The following KPNA5 variants were observed in gnomAD, a reference collection of about 807,000 sequenced individuals.
The protein encoded by KPNA5 is importin subunit alpha-6.
KPNA5 carries 46 observed loss-of-function variants against 71.3 expected under a neutral mutation model. That is an observed-to-expected ratio of 0.65 (90% CI 0.51 to 0.83). KPNA5 has a LOEUF of 0.83. KPNA5 is among the 40% of genes least tolerant of loss of function. The pLI is 0.00. For missense variants in KPNA5, 547 were observed against 628.3 expected (o/e 0.87, Z 1.38); for synonymous variants, 207 against 201.4 (o/e 1.03, Z -0.24).
chr6:116,732,064 AAC>A (rs1462668810), intron 13 of KPNA5, 70 bp from the exon 14 acceptor site: 1 of 225,156 alleles, frequency 4.4e-6, no homozygotes, highest in African/African-American at 2.8e-5. Context: ...AAATTGTAGT[AAC>A]AGTTTGTTTA....
chr6:116,725,218 T>C (rs915182342), intron 10 of KPNA5, among the ~76,000 whole-genome samples: 4 of 152,148 alleles, frequency 2.6e-5, no homozygotes, highest in Non-Finnish European at 4.4e-5. Context: ...ATCATTGGAG[T>C]ATTTTGAATA....
At chr6:116,694,411 A>C (rs923186228) in intron 4 of KPNA5, among the ~76,000 whole-genome samples, 1 of 151,914 alleles carries the variant, frequency 6.6e-6, no homozygotes, top group East Asian at 1.9e-4. Flanking sequence ...CTTTTATTTC[A>C]TTGAGCAGTG....
intron 7 of KPNA5, among the ~76,000 whole-genome samples, chr6:116,710,371 T>A (rs1185586721): frequency 1.3e-5 from 2 of 152,178 alleles, no homozygotes; most frequent in Non-Finnish European, 1.5e-5. Context: ...ATAGAATTGA[T>A]GAGGAAGTGT....
intron 13 of KPNA5, 150 bp from the exon 14 acceptor site, chr6:116,731,986 A>G (rs987225995): frequency 1.6e-5 from 3 of 184,274 alleles, no homozygotes; most frequent in African/African-American, 7.1e-5. Flanking sequence ...CAGTTAGATT[A>G]AAATAGTCCC....
chr6:116,707,438 A>G (rs1661367320), intron 7 of KPNA5, among the ~76,000 whole-genome samples: 1 of 152,224 alleles, frequency 6.6e-6, no homozygotes, highest in African/African-American at 2.4e-5. Flanking sequence ...CAAAAAAAGA[A>G]CAATAGTATA....
Position 116,732,120 on chromosome 6 carries a change from A to T in KPNA5, c.1433-16A>T, listed in dbSNP as rs1182256186. 2 of 512,470 alleles carry T rather than the reference A, an allele frequency of 3.9e-6. No homozygotes were observed. Among genetic ancestry groups the T allele is most frequent in the East Asian group, 5.5e-5 (1 of 18,160 alleles). 31.7% of individuals were successfully genotyped at this position (512,470 alleles called of 1,614,324 possible). On this transcript the variant is annotated splice_polypyrimidine_tract_variant and intron_variant, in intron 13 of 13. Coordinates refer to ENST00000368564, the MANE Select transcript of KPNA5 (RefSeq NM_001366306.2). ...TATATATATATATATATATATATAT[A>T]TACTTTGTATAACAGGTCTGGATAA...
At chr6:116,702,697 G>C (rs994541841) in intron 6 of KPNA5, among the ~76,000 whole-genome samples, 3 of 152,130 alleles carry the variant, frequency 2.0e-5, no homozygotes, top group African/African-American at 7.2e-5. Context: ...AGACTCAAAA[G>C]TTAGTAACTT....
At chr6:116,683,898 T>C (rs1405792267) in intron 1 of KPNA5, among the ~76,000 whole-genome samples, 1 of 27,910 alleles carries the variant, frequency 3.6e-5, no homozygotes, top group Non-Finnish European at 5.8e-5. Flanking sequence ...TGCCCGGCCT[T>C]TTTTTTTTTT....
intron 8 of KPNA5, among the ~76,000 whole-genome samples, chr6:116,716,601 T>G (rs1439720586): frequency 6.6e-6 from 1 of 152,224 alleles, no homozygotes; most frequent in Non-Finnish European, 1.5e-5. Flanking sequence ...CTCTCATTTA[T>G]AGGAAAATAA....
At chr6:116,689,581 G>C in intron 2 of KPNA5, 128 bp downstream of exon 2, 1 of 773,982 alleles carries the variant, frequency 1.3e-6, no homozygotes, top group Non-Finnish European at 1.9e-6. Context: ...TAGACTCCAG[G>C]CATCATAATT....
rs1204520002 is a variant in KPNA5, at chr6:116,740,514, A to G, written c.*8191A>G. ...ACTGGGTATATACCCAAAGGAATAT[A>G]AATCATGCTGCTATAAAGACACATG... On this transcript the variant is annotated 3_prime_UTR_variant, in exon 14 of 14. Coordinates refer to ENST00000368564, the MANE Select transcript of KPNA5 (RefSeq NM_001366306.2). 2.0e-5 allele frequency: 3 copies of G among 152,230 alleles called. No individual in the cohort carries two copies. The highest frequency in any genetic ancestry group is 1.3e-4 in the Admixed American group (2 of 15,282). The allele number at this position is 152,230 out of a possible 1,614,324, so 9.4% of individuals were successfully genotyped here.
chr6:116,707,175 A>G (rs987265918), intron 7 of KPNA5, among the ~76,000 whole-genome samples: 2 of 152,034 alleles, frequency 1.3e-5, no homozygotes, highest in Middle Eastern at 3.2e-3. Flanking sequence ...AAAAAAAAAA[A>G]TGATTATGCA....
rs536505381 is a variant in KPNA5 at position 116,711,106 on chromosome 6, C to T, written c.657-5113C>T. Among the ~76,000 whole-genome samples, 5 of 151,440 alleles carry T rather than the reference C, an allele frequency of 3.3e-5. No individual in the cohort carries two copies. The East Asian group carries it at 7.8e-4, about 24-fold the overall frequency. On this transcript the variant is annotated intron_variant, in intron 7 of 13. Coordinates refer to ENST00000368564, the MANE Select transcript of KPNA5 (RefSeq NM_001366306.2). ...ACATGGTTTCACCATGTTGGCCAGG[C>T]TGGTCTTGAACTCCTGACCTCAGGT... is the stretch of plus-strand genomic sequence containing the variant.
chr6:116,703,998 T>C (rs1396412688), intron 6 of KPNA5, among the ~76,000 whole-genome samples: 1 of 152,130 alleles, frequency 6.6e-6, no homozygotes, highest in African/African-American at 2.4e-5. Context: ...GCATCCAGTC[T>C]ACAAACCTAT....
intron 7 of KPNA5, among the ~76,000 whole-genome samples, chr6:116,709,017 C>G (rs1778551261): frequency 6.6e-6 from 1 of 151,282 alleles, no homozygotes; most frequent in African/African-American, 2.4e-5. Context: ...AACTCCTGGC[C>G]TCAAGTGATA....
At position 116,726,061 on chromosome 6, in the gene KPNA5, A is replaced by AGTGT. The variant is rs58131077; in HGVS notation, c.1125+204_1125+207dup. On this transcript the variant is annotated intron_variant, in intron 11 of 13. Transcript: ENST00000368564. ...TGTAGTATTCTAGTGAAGAACATCA[A>AGTGT]GTGTGTGTGTGTGTGTGTGTGTCTA... Among the ~76,000 whole-genome samples, 317 of 150,666 alleles carry AGTGT rather than the reference A, an allele frequency of 2.1e-3. 2 individuals carry two copies. Among genetic ancestry groups the AGTGT allele is most frequent in the African/African-American group, 4.1e-3 (170 of 41,136 alleles).
chr6:116,716,802 T>TA (rs61057571), intron 8 of KPNA5, among the ~76,000 whole-genome samples: 74 of 152,338 alleles, frequency 4.9e-4, no homozygotes, highest in African/African-American at 1.7e-3. Flanking sequence ...GGTAAATTTT[T>TA]AGAATACCAT....
At chr6:116,693,429 T>A (rs1271317668) in intron 4 of KPNA5, among the ~76,000 whole-genome samples, 1 of 152,232 alleles carries the variant, frequency 6.6e-6, no homozygotes, top group Non-Finnish European at 1.5e-5. Flanking sequence ...ATCGCCATTC[T>A]AACTGGCGTG....
chr6:116,706,263 A>G (rs1445548775), intron 7 of KPNA5, among the ~76,000 whole-genome samples: 1 of 152,242 alleles, frequency 6.6e-6, no homozygotes, highest in Non-Finnish European at 1.5e-5. Context: ...GTAGTGGTTT[A>G]TGAAGTAGTA....
Sources: allele counts gnomAD v4.1 joint callset (sites outside exome capture counted in the v4.1 genomes callset), GRCh38; gene constraint gnomAD v4.1.1; transcripts MANE v1.5; gene names NCBI Gene and HGNC (gene_info 2026-07-23, HGNC 2026-07-21).